STK38L: variants seen among roughly 807,000 people sequenced by gnomAD.
STK38L encodes the protein serine/threonine-protein kinase 38-like.
A neutral mutation model predicts 59.7 loss-of-function variants in STK38L; 28 were observed. The observed-to-expected ratio is 0.47, with a 90% confidence interval of 0.35 to 0.64. The LOEUF (loss-of-function observed/expected upper bound fraction) is 0.64. STK38L is among the 30% of genes least tolerant of loss of function. The pLI, the probability that STK38L is intolerant of heterozygous loss-of-function variation, is 0.01. For missense variants in STK38L, 314 were observed against 555.8 expected, an observed-to-expected ratio of 0.56 and a Z score of 4.37; for synonymous variants, 162 against 176.8, an observed-to-expected ratio of 0.92 and a Z score of 0.66.
intron 2 of STK38L, chr12:27,298,535 T>C (rs1338313524): frequency 3.3e-5 from 5 of 152,170 alleles, no homozygotes; most frequent in Non-Finnish European, 5.9e-5. Context: ...AAGAATGACA[T>C]GTTATTTTGA....
Position 27,302,970 on chromosome 12 carries a change from G to T in STK38L, c.186+782G>T, listed in dbSNP as rs370043879. On this transcript the variant is annotated intron_variant, in intron 3 of 13. Transcript: ENST00000389032. The stretch of plus-strand genomic sequence containing the variant: ...AGAGCTTGCAGTGAGCCGAGATCGC[G>T]CCACTGCACTCCAGCCTGGGCGACA... Among the ~76,000 whole-genome samples, 8 of 147,162 alleles carry T rather than the reference G, an allele frequency of 5.4e-5. No individual in the cohort carries two copies. In the East Asian group the frequency reaches 1.4e-3, roughly 26 times the overall value.
rs141816922 is a variant in STK38L at position 27,314,281 on chromosome 12, A to G, written c.518-223A>G. Among the ~76,000 whole-genome samples the G allele has an allele frequency of 1.3e-3, 191 of 151,914 alleles. 2 individuals are homozygous for G. The highest frequency in any genetic ancestry group is 4.4e-3 in the African/African-American group (183 of 41,436). Reference sequence around the variant, plus strand: ...CTGGGTGTGGTGGTGCACACCTGTAATCTCAGCTACTTGGGTGGCTGAGGC... The same window carrying G: ...CTGGGTGTGGTGGTGCACACCTGTAGTCTCAGCTACTTGGGTGGCTGAGGC... On this transcript the variant is annotated intron_variant, in intron 6 of 13. Coordinates refer to ENST00000389032, the MANE Select transcript of STK38L (RefSeq NM_015000.4).
At chr12:27,255,983 G>T (rs1358466923) in intron 1 of STK38L, among the ~76,000 whole-genome samples, 1 of 152,126 alleles carries the variant, frequency 6.6e-6, no homozygotes, top group Admixed American at 6.5e-5. Context: ...GCATGGCGTT[G>T]TTCTCTATTT....
intron 1 of STK38L, among the ~76,000 whole-genome samples, chr12:27,273,993 G>A (rs939119402): frequency 2.0e-5 from 3 of 151,974 alleles, no homozygotes; most frequent in Non-Finnish European, 2.9e-5. Context: ...GGTGGTTCAC[G>A]CCTGTAATCC....
chr12:27,287,052 G>A (rs571383224), intron 1 of STK38L, among the ~76,000 whole-genome samples: 1 of 150,912 alleles, frequency 6.6e-6, no homozygotes, highest in South Asian at 2.1e-4. Flanking sequence ...CTATGTATGA[G>A]CTTACTTGAT....
chr12:27,258,023 A>G (rs1396233553), intron 1 of STK38L, among the ~76,000 whole-genome samples: 1 of 151,842 alleles, frequency 6.6e-6, no homozygotes, highest in African/African-American at 2.4e-5. Context: ...CACCACACCC[A>G]GCTAATTTTT....
At position 27,323,336 on chromosome 12, in the gene STK38L, A is replaced by ATTTTTATTAAACTATAGT. The variant is rs536082896; in HGVS notation, c.*881_*882insTTTTTATTAAACTATAGT. 11 of 152,686 alleles carry ATTTTTATTAAACTATAGT rather than the reference A, an allele frequency of 7.2e-5. No individual in the cohort carries two copies. In the South Asian group the frequency reaches 2.3e-3, roughly 32 times the overall value. 9.5% of individuals were successfully genotyped at this position (152,686 alleles called of 1,614,324 possible). ...AGACATGACCATGAAGGCTGCTTGT[A>ATTTTTATTAAACTATAGT]GAATTAGTGTATTTTTATTAAACTA... On this transcript the variant is annotated 3_prime_UTR_variant, in exon 14 of 14. Coordinates refer to ENST00000389032, the MANE Select transcript of STK38L (RefSeq NM_015000.4).
rs967707893 is a variant in STK38L at position 27,324,981 on chromosome 12, C to G, written c.*2526C>G. On this transcript the variant is annotated 3_prime_UTR_variant, in exon 14 of 14. Coordinates refer to ENST00000389032, the MANE Select transcript of STK38L (RefSeq NM_015000.4). ...GAATTAAAAGAGTTTTATTATAAAC[C>G]GTGTGTTTTTGGTTTTTCTAAGTAT... 6.6e-6 allele frequency: 1 copy of G among 151,796 alleles called. No homozygotes were observed. The highest frequency in any genetic ancestry group is 6.6e-5 in the Admixed American group (1 of 15,248). 9.4% of individuals were successfully genotyped at this position (151,796 alleles called of 1,614,324 possible). A position where few individuals can be genotyped will look rare whatever the true frequency, so the allele number is the denominator to read the frequency against.
At chr12:27,304,030 G>A (rs1410761598) in intron 3 of STK38L, among the ~76,000 whole-genome samples, 1 of 152,156 alleles carries the variant, frequency 6.6e-6, no homozygotes, top group Non-Finnish European at 1.5e-5. Context: ...GGGAGGCCAA[G>A]ATGGGAGGAT....
chr12:27,247,333 A>G (rs1480910813), intron 1 of STK38L, among the ~76,000 whole-genome samples: 1 of 152,204 alleles, frequency 6.6e-6, no homozygotes, highest in Non-Finnish European at 1.5e-5. Flanking sequence ...GGCATGCTTA[A>G]CTGCAATCCA....
intron 3 of STK38L, among the ~76,000 whole-genome samples, chr12:27,303,231 A>T (rs1370483509): frequency 6.6e-6 from 1 of 151,866 alleles, no homozygotes; most frequent in Non-Finnish European, 1.5e-5. Context: ...AATCTTTAGT[A>T]GCTGGGCATG....
Position 27,323,644 on chromosome 12 carries a change from G to A in STK38L, c.*1189G>A, listed in dbSNP as rs1316429767. The stretch of plus-strand genomic sequence containing the variant: ...CCTGACAGATCTTTGATAGAGGTCA[G>A]CTTATTAAAGGGCAATATTGTTCTT... On this transcript the variant is annotated 3_prime_UTR_variant, in exon 14 of 14. Transcript: ENST00000389032. The A allele has an allele frequency of 6.6e-6, 1 of 152,552 alleles. No individual in the cohort carries two copies. The highest frequency in any genetic ancestry group is 2.4e-5 in the African/African-American group (1 of 41,438). 9.4% of individuals were successfully genotyped at this position (152,552 alleles called of 1,614,324 possible).
intron 1 of STK38L, chr12:27,245,707 G>T (rs903015576): frequency 2.0e-5 from 3 of 151,834 alleles, no homozygotes; most frequent in Non-Finnish European, 4.4e-5. Flanking sequence ...AGAGAAGTTA[G>T]TCTAAAATAT....
At chr12:27,269,005 G>T (rs1943361019) in intron 1 of STK38L, among the ~76,000 whole-genome samples, 1 of 152,190 alleles carries the variant, frequency 6.6e-6, no homozygotes, top group African/African-American at 2.4e-5. Flanking sequence ...GTTCATTGTA[G>T]ATTCTGGATA....
intron 7 of STK38L, 142 bp from the exon 8 acceptor site, chr12:27,314,873 A>G (rs1944547965): frequency 1.2e-6 from 1 of 850,592 alleles, no homozygotes; most frequent in Non-Finnish European, 1.7e-6. Context: ...AATCATCATC[A>G]GATACTTAAA....
chr12:27,295,735 C>T (rs539455808), intron 1 of STK38L, among the ~76,000 whole-genome samples: 223 of 152,324 alleles, frequency 1.5e-3, no homozygotes, highest in Non-Finnish European at 2.4e-3. Context: ...TACCTGACTA[C>T]AAATGTTAGA....
intron 3 of STK38L, among the ~76,000 whole-genome samples, chr12:27,305,622 T>C (rs1236364519): frequency 1.3e-5 from 2 of 152,172 alleles, no homozygotes; most frequent in African/African-American, 4.8e-5. Flanking sequence ...CTGAACCCTT[T>C]TCATCTGAAA....
chr12:27,249,397 G>A (rs889218372), intron 1 of STK38L, among the ~76,000 whole-genome samples: 2 of 152,172 alleles, frequency 1.3e-5, no homozygotes, highest in African/African-American at 4.8e-5. Flanking sequence ...GGAGCGCAAT[G>A]CATGATTTTG....
intron 1 of STK38L, among the ~76,000 whole-genome samples, chr12:27,250,083 G>A (rs554961287): frequency 6.6e-6 from 1 of 152,336 alleles, no homozygotes; most frequent in South Asian, 2.1e-4. Context: ...CGGGGTTGCT[G>A]TACCTTTGCT....
Sources: allele counts gnomAD v4.1 joint callset (sites outside exome capture counted in the v4.1 genomes callset), GRCh38; gene constraint gnomAD v4.1.1; transcripts MANE v1.5; gene names NCBI Gene and HGNC (gene_info 2026-07-23, HGNC 2026-07-21).